The following CNGA1 variants were observed in gnomAD, a reference collection of about 807,000 sequenced individuals.
The protein encoded by CNGA1 is cyclic nucleotide gated channel subunit alpha 1, also known as cyclic nucleotide-gated channel alpha-1.
In CNGA1, 53 loss-of-function variants were observed where a neutral mutation model predicts 69.7. The ratio of observed to expected loss-of-function variants is 0.76; its 90% confidence interval spans 0.61 to 0.96. CNGA1 has a LOEUF of 0.96. Ranked by LOEUF, CNGA1 falls within the 40% of genes least tolerant of loss-of-function variation. CNGA1 has a pLI of 0.00. For missense variants in CNGA1, 739 were observed against 811.2 expected, an observed-to-expected ratio of 0.91 and a Z score of 1.08; for synonymous variants, 249 against 283.5, an observed-to-expected ratio of 0.88 and a Z score of 1.22.
intron 3 of CNGA1, among the ~76,000 whole-genome samples, chr4:47,979,240 G>T (rs1741571569): frequency 6.7e-6 from 1 of 148,962 alleles, no homozygotes; most frequent in Non-Finnish European, 1.5e-5. Context: ...AGGATCGCTT[G>T]AGCCCAAGAG....
chr4:47,990,779 A>C (rs1742229165), intron 2 of CNGA1, among the ~76,000 whole-genome samples: 1 of 152,094 alleles, frequency 6.6e-6, no homozygotes, highest in African/African-American at 2.4e-5. Flanking sequence ...ACCAGCCAAC[A>C]CTTAGGGAAA....
chr4:47,955,778 T>G (rs927139904), intron 3 of CNGA1, among the ~76,000 whole-genome samples: 1 of 152,252 alleles, frequency 6.6e-6, no homozygotes, highest in Non-Finnish European at 1.5e-5. Flanking sequence ...TGCTAAATTG[T>G]GACACACACC....
Position 47,936,846 on chromosome 4 carries a change from G to C in CNGA1, c.1636C>G (p.Leu546Val). The part of the protein sequence containing the change: ...DGSYFGEISI[L>V]NIKGSKAGNR... The stretch of plus-strand genomic sequence containing the variant: ...CCAGCTTTGCTCCCTTTAATGTTAA[G>C]AATGCTGATCTCACCGAAGTAGCTG... The change falls in exon 11 of 11, where the codon CTT (leucine) becomes GTT (valine). Residue 546 changes from leucine to valine, a missense_variant. Physicochemically the swap from Leu to Val is conservative, Grantham distance 32 (BLOSUM62 1). Transcript: ENST00000514170. 1 of 1,614,034 alleles carries C rather than the reference G, an allele frequency of 6.2e-7. No homozygotes were observed. Among genetic ancestry groups the C allele is most frequent in the Non-Finnish European group, 8.5e-7 (1 of 1,180,034 alleles).
chr4:47,952,558 T>C (rs762097145), intron 4 of CNGA1, 25 bp downstream of exon 4: 23 of 1,610,566 alleles, frequency 1.4e-5, no homozygotes, highest in African/African-American at 1.3e-4. Context: ...ATAATAAAAA[T>C]GCATGGGAAA....
rs56309435 is a variant in CNGA1 at position 47,993,693 on chromosome 4, T to C, written c.-122-12193A>G. ...GGTTCAATTTCATTTATTTATGCTC[T>C]GATCTTGCTTATTTCCTTACTTCTG... On this transcript the variant is annotated intron_variant, in intron 2 of 10. Transcript: ENST00000514170. Among the ~76,000 whole-genome samples the C allele has an allele frequency of 7.0e-3, 1,070 of 152,216 alleles. 8 individuals carry two copies. The highest frequency in any genetic ancestry group is 0.011 in the Non-Finnish European group (733 of 67,972).
At chr4:47,957,676 C>G (rs993965203) in intron 3 of CNGA1, among the ~76,000 whole-genome samples, 1 of 152,016 alleles carries the variant, frequency 6.6e-6, no homozygotes, top group Non-Finnish European at 1.5e-5. Flanking sequence ...ATTTATGCCT[C>G]AAGTTCACAA....
At chr4:47,938,462 C>T (rs985815817) in intron 10 of CNGA1, among the ~76,000 whole-genome samples, 4 of 151,002 alleles carry the variant, frequency 2.6e-5, no homozygotes, top group Admixed American at 2.0e-4. Context: ...GGTGCAATCT[C>T]GTCTTGCTGC....
At chr4:47,978,098 T>C (rs1741511451) in intron 3 of CNGA1, among the ~76,000 whole-genome samples, 1 of 152,216 alleles carries the variant, frequency 6.6e-6, no homozygotes, top group Non-Finnish European at 1.5e-5. Context: ...AGTGCTGTGA[T>C]TACAGGCGTG....
chr4:47,952,200 TA>T (rs1409031345), intron 4 of CNGA1, among the ~76,000 whole-genome samples: 3 of 134,868 alleles, frequency 2.2e-5, no homozygotes, highest in Admixed American at 7.4e-5. Context: ...CTGTCTCTAC[TA>T]AAAATACAAA....
chr4:48,005,896 T>A (rs1714895447), intron 2 of CNGA1, among the ~76,000 whole-genome samples: 1 of 152,226 alleles, frequency 6.6e-6, no homozygotes. Context: ...TTGTCGTAAG[T>A]TAAGAATACT....
intron 3 of CNGA1, among the ~76,000 whole-genome samples, chr4:47,955,127 C>CTTGG (rs1236960378): frequency 1.3e-5 from 2 of 148,844 alleles, no homozygotes; most frequent in African/African-American, 5.0e-5. Flanking sequence ...GATATGAATT[C>CTTGG]TTGGAATCCA....
At chr4:47,990,367 T>C (rs1372028284) in intron 2 of CNGA1, among the ~76,000 whole-genome samples, 1 of 152,100 alleles carries the variant, frequency 6.6e-6, no homozygotes, top group East Asian at 1.9e-4. Context: ...TCTTATGCGG[T>C]TGAGATAAGG....
At chr4:47,965,678 C>T (rs1281832196) in intron 3 of CNGA1, among the ~76,000 whole-genome samples, 1 of 152,134 alleles carries the variant, frequency 6.6e-6, no homozygotes, top group Non-Finnish European at 1.5e-5. Flanking sequence ...CCACCCACCT[C>T]AGCCTTCCAA....
At chr4:47,956,758 G>A (rs1169493730) in intron 3 of CNGA1, among the ~76,000 whole-genome samples, 1 of 152,144 alleles carries the variant, frequency 6.6e-6, no homozygotes, top group Non-Finnish European at 1.5e-5. Context: ...AGGAAGGAGT[G>A]TGGGAGAGGT....
At chr4:47,991,302 G>A (rs189050890) in intron 2 of CNGA1, among the ~76,000 whole-genome samples, 2 of 152,034 alleles carry the variant, frequency 1.3e-5, no homozygotes, top group Non-Finnish European at 2.9e-5. Flanking sequence ...CCTCTTCACC[G>A]CATCCATGCA....
chr4:48,004,510 G>T (rs887461437), intron 2 of CNGA1, among the ~76,000 whole-genome samples: 2 of 152,182 alleles, frequency 1.3e-5, no homozygotes, highest in East Asian at 3.8e-4. Flanking sequence ...AGAAGAAAAT[G>T]CGTCTCTAGT....
intron 2 of CNGA1, among the ~76,000 whole-genome samples, chr4:48,008,032 G>C (rs543143415): frequency 4.6e-5 from 7 of 152,196 alleles, no homozygotes; most frequent in African/African-American, 1.2e-4. Flanking sequence ...AATTTATTAA[G>C]AGTAAATCAA....
chr4:47,952,796 A>T, intron 3 of CNGA1, 93 bp from the exon 4 acceptor site: 9 of 865,714 alleles, frequency 1.0e-5, no homozygotes, highest in Non-Finnish European at 1.3e-5. Context: ...GTCTGTCCTC[A>T]TGCTGCTAAT....
intron 3 of CNGA1, among the ~76,000 whole-genome samples, chr4:47,954,959 G>C (rs987633115): frequency 7.2e-5 from 11 of 152,152 alleles, no homozygotes; most frequent in Non-Finnish European, 1.3e-4. Flanking sequence ...GGTACTCACC[G>C]ATATAGCTAG....
Sources: gnomAD v4.1 joint callset for allele counts (sites outside exome capture counted in the v4.1 genomes callset) on GRCh38, gnomAD v4.1.1 for gene constraint, MANE v1.5 for transcripts, NCBI Gene and HGNC (gene_info 2026-07-23, HGNC 2026-07-21) for gene names.